The following BAZ2B variants were observed in gnomAD, a reference collection of about 807,000 sequenced individuals.
BAZ2B encodes the protein bromodomain adjacent to zinc finger domain protein 2B.
In BAZ2B, 91 loss-of-function variants were observed where a neutral mutation model predicts 246.0. The ratio of observed to expected loss-of-function variants is 0.37; its 90% CI spans 0.31 to 0.44. BAZ2B has a LOEUF of 0.44. BAZ2B is among the 20% of genes least tolerant of loss of function. The pLI is 1.00. For synonymous variants in BAZ2B, 855 were observed against 860.0 expected (o/e 0.99, Z 0.10); for missense variants, 2,332 against 2,533.7 (o/e 0.92, Z 1.71).
the BAZ2B span, among the ~76,000 whole-genome samples, chr2:159,682,191 CTTTTTTT>C: frequency 8.9e-6 from 1 of 111,762 alleles, no homozygotes; most frequent in Admixed American, 1.1e-4. Context: ...TGCTCAGGCT[CTTTTTTT>C]TTTTTTTTTT....
intron 14 of BAZ2B, among the ~76,000 whole-genome samples, chr2:159,409,602 A>G (rs941268610): frequency 6.6e-6 from 1 of 152,164 alleles, no homozygotes; most frequent in Non-Finnish European, 1.5e-5. Flanking sequence ...AGTTGGTCAT[A>G]GAAGGATAAT....
intron 1 of BAZ2B, among the ~76,000 whole-genome samples, chr2:159,561,715 A>C (rs562114313): frequency 6.6e-6 from 1 of 152,344 alleles, no homozygotes; most frequent in Admixed American, 6.5e-5. Context: ...TGGTGTTCCT[A>C]AATATTTGAA....
chr2:159,553,536 T>A (rs917212620), intron 2 of BAZ2B, among the ~76,000 whole-genome samples: 1 of 151,528 alleles, frequency 6.6e-6, no homozygotes, highest in Non-Finnish European at 1.5e-5. Context: ...CATTTTCAAG[T>A]AGAGAAATAA....
intron 4 of BAZ2B, among the ~76,000 whole-genome samples, chr2:159,449,963 G>A (rs924392530): frequency 4.6e-5 from 7 of 152,092 alleles, no homozygotes; most frequent in African/African-American, 1.7e-4. Context: ...TTGAGGCCAG[G>A]AATTTGAGAT....
chr2:159,327,300 C>A (rs767120722), intron 34 of BAZ2B, among the ~76,000 whole-genome samples: 17 of 152,132 alleles, frequency 1.1e-4, no homozygotes, highest in Admixed American at 2.6e-4. Context: ...GATTTCATGA[C>A]CCCTGCCAGT....
the BAZ2B span, among the ~76,000 whole-genome samples, chr2:159,652,790 T>C: frequency 4.6e-5 from 7 of 151,672 alleles, no homozygotes; most frequent in Non-Finnish European, 8.8e-5. Context: ...GCTAATTTTT[T>C]TGGTTTTTGT....
intron 6 of BAZ2B, among the ~76,000 whole-genome samples, chr2:159,441,996 T>C (rs536668905): frequency 9.2e-5 from 14 of 152,202 alleles, no homozygotes; most frequent in Admixed American, 3.3e-4. Flanking sequence ...CTCAAGTCTC[T>C]GGGGATACAA....
the BAZ2B span, among the ~76,000 whole-genome samples, chr2:159,704,633 C>T: frequency 2.0e-5 from 3 of 152,032 alleles, no homozygotes; most frequent in Admixed American, 1.3e-4. Flanking sequence ...CAGGTGTGCA[C>T]CACCATGCCC....
At chr2:159,479,801 T>C (rs539885656) in intron 2 of BAZ2B, among the ~76,000 whole-genome samples, 26 of 152,176 alleles carry the variant, frequency 1.7e-4, no homozygotes, top group Non-Finnish European at 2.9e-4. Flanking sequence ...TAATCTTAAA[T>C]TGACATGCAA....
rs1440960870 is a variant in BAZ2B at position 159,446,825 on chromosome 2, T to C, written c.653A>G (p.Lys218Arg). 1 of 1,611,944 alleles carries C rather than the reference T, an allele frequency of 6.2e-7. No individual in the cohort carries two copies. The change falls in exon 6 of 37, where the codon AAA (lysine) becomes AGA (arginine). Residue 218 changes from lysine (K) to arginine (R), a missense_variant. Physicochemically the swap from Lys to Arg is conservative, Grantham distance 26. Coordinates refer to ENST00000392783, the MANE Select transcript of BAZ2B (RefSeq NM_013450.4). ...GNRKCNQEQS[K>R]NQPLDARVDK... ...AACTCTAGCATCCAAAGGCTGGTTT[T>C]TGCTTTGTTCCTGATTACATTTTCG...
At chr2:159,486,164 G>A (rs1037810318) in intron 2 of BAZ2B, among the ~76,000 whole-genome samples, 2 of 151,998 alleles carry the variant, frequency 1.3e-5, no homozygotes, top group Non-Finnish European at 2.9e-5. Context: ...GTCTAACAAG[G>A]AAACGAAGGT....
At position 159,386,397 on chromosome 2, in the gene BAZ2B, G is replaced by T; in HGVS notation, c.3427C>A (p.Leu1143Ile). ...GEVQDLLVRL[L>I]SAAVCDPGLI... ...CCTGGATCACATACAGCAGCTGAGA[G>T]GAGCCTCACAAGCAAGTCTTGTACT... is the stretch of plus-strand genomic sequence containing the variant. The change falls in exon 22 of 37, where the codon CTC becomes ATC. Residue 1143 changes from leucine (L) to isoleucine (I), a missense_variant. Coordinates refer to ENST00000392783, the MANE Select transcript of BAZ2B (RefSeq NM_013450.4). 1 of 1,613,268 alleles carries T rather than the reference G, an allele frequency of 6.2e-7. No homozygotes were observed. Among genetic ancestry groups the T allele is most frequent in the Non-Finnish European group, 8.5e-7 (1 of 1,179,616 alleles).
chr2:159,383,878 C>T (rs1314512455), intron 23 of BAZ2B, among the ~76,000 whole-genome samples, 198 bp from the exon 24 acceptor site: 1 of 151,988 alleles, frequency 6.6e-6, no homozygotes, highest in African/African-American at 2.4e-5. Flanking sequence ...GTGATAACTT[C>T]TTCAATGGAT....
upstream of BAZ2B, among the ~76,000 whole-genome samples, chr2:159,618,846 T>C (rs1696316776): frequency 6.6e-6 from 1 of 152,120 alleles, no homozygotes; most frequent in South Asian, 2.1e-4. Context: ...AGTGGCACAC[T>C]GTAACTCGAA....
At chr2:159,490,671 TGCCAGCACACCTG>T (rs1378387155) in intron 2 of BAZ2B, among the ~76,000 whole-genome samples, 4 of 151,748 alleles carry the variant, frequency 2.6e-5, no homozygotes, top group Admixed American at 2.6e-4. Flanking sequence ...CACAGGCTCA[TGCCAGCACACCTG>T]GCTATTTTTT....
chr2:159,438,931 G>C (rs1402480119), intron 7 of BAZ2B, 78 bp downstream of exon 7: 2 of 1,429,210 alleles, frequency 1.4e-6, no homozygotes, highest in African/African-American at 1.4e-5. Context: ...TAAAACTACA[G>C]ACTTTGAGAG....
At chr2:159,323,342 A>G (rs1299029494) in intron 36 of BAZ2B, among the ~76,000 whole-genome samples, 4 of 151,970 alleles carry the variant, frequency 2.6e-5, no homozygotes, top group Non-Finnish European at 5.9e-5. Context: ...TTGTTTTAGG[A>G]ATTTTGAGGT....
rs1042635666 is a variant in BAZ2B, at chr2:159,403,725, G to C, written c.2832+1124C>G. Among the ~76,000 whole-genome samples, 31 of 152,158 alleles carry C rather than the reference G, an allele frequency of 2.0e-4. 1 individual carries two copies. The highest frequency in any genetic ancestry group is 8.5e-4 in the Admixed American group (13 of 15,282). On this transcript the variant is annotated intron_variant, in intron 16 of 36. Coordinates refer to ENST00000392783, the MANE Select transcript of BAZ2B (RefSeq NM_013450.4). Reference sequence around the variant, plus strand: ...TGGTAAAAGAGTACACTGTGTAGTTGGATGTTTTATATTTATCTTTAAAAA... The same window carrying C: ...TGGTAAAAGAGTACACTGTGTAGTTCGATGTTTTATATTTATCTTTAAAAA...
chr2:159,392,233 C>G, intron 20 of BAZ2B: 1 of 152,296 alleles, frequency 6.6e-6, no homozygotes, highest in South Asian at 2.1e-4. Flanking sequence ...GGCTAATACC[C>G]TCTTTGTACC....
Sources: gnomAD v4.1 joint callset for allele counts (sites outside exome capture counted in the v4.1 genomes callset) on GRCh38, gnomAD v4.1.1 for gene constraint, MANE v1.5 for transcripts, NCBI Gene and HGNC (gene_info 2026-07-23, HGNC 2026-07-21) for gene names.